Variants in EBF3 observed in about 807,000 individuals in gnomAD.
EBF3 encodes the protein EBF transcription factor 3.
EBF3 carries 18 observed loss-of-function variants against 77.1 expected under a neutral mutation model. The ratio of observed to expected loss-of-function variants is 0.23; its 90% CI spans 0.16 to 0.35. The LOEUF (loss-of-function observed/expected upper bound fraction) is 0.35. EBF3 is among the 10% of genes least tolerant of loss of function. EBF3 has a pLI of 1.00. For missense variants in EBF3, 558 were observed against 860.0 expected, an observed-to-expected ratio of 0.65 and a Z score of 4.39; for synonymous variants, 350 against 343.5, an observed-to-expected ratio of 1.02 and a Z score of -0.21.
Position 129,842,353 on chromosome 10 carries a change from C to T in EBF3, c.1195-60G>A. 4 of 1,514,720 alleles carry T rather than the reference C, an allele frequency of 2.6e-6. No individual in the cohort carries two copies. The highest frequency in any genetic ancestry group is 2.6e-5 in the South Asian group (2 of 76,754). The allele number at this position is 1,514,720 out of a possible 1,614,324, so 93.8% of individuals were successfully genotyped here. On this transcript the variant is annotated intron_variant, in intron 12 of 16. Transcript: ENST00000440978. The surrounding 1 kb of genome is among the most constrained non-coding windows in gnomAD (Gnocchi z 4.4). ...CCCAGGCCCGGCCCAGCTGGCCGCA[C>T]TCTCGGGGGCCCACCATGGTGGCAT... is the stretch of plus-strand genomic sequence containing the variant.
At chr10:129,922,528 G>A (rs1158573936) in intron 6 of EBF3, among the ~76,000 whole-genome samples, 17 of 152,242 alleles carry the variant, frequency 1.1e-4, no homozygotes, top group Non-Finnish European at 4.4e-5. Context: ...GGGTTTAGGG[G>A]AGCTTTGTAA....
intron 6 of EBF3, among the ~76,000 whole-genome samples, chr10:129,941,775 A>T (rs997856346): frequency 6.6e-6 from 1 of 152,208 alleles, no homozygotes; most frequent in African/African-American, 2.4e-5. Context: ...GCCTTCCAGA[A>T]GGCTTCCTGA....
chr10:129,883,775 A>C (rs1040314855), intron 6 of EBF3, among the ~76,000 whole-genome samples: 8 of 152,114 alleles, frequency 5.3e-5, no homozygotes, highest in East Asian at 1.9e-4. Flanking sequence ...AGGATGGGGA[A>C]CAGCTGCTTC....
In EBF3 at chr10:129,963,202, G is replaced by A. The variant is rs1859662903; in HGVS notation, c.291+165C>T. ...CGAGTAAGTCCGAGGGCGCAGAGAA[G>A]TTGCCCAGCCCTCGGCGGTCCCGGG... On this transcript the variant is annotated intron_variant, in intron 2 of 16. Transcript: ENST00000440978. This position sits in a 1 kb window ranked among gnomAD's most constrained non-coding sequence, Gnocchi z 7.1. The A allele has an allele frequency of 2.5e-6, 3 of 1,199,548 alleles. No individual in the cohort carries two copies. The South Asian group carries it at 4.9e-5, about 20-fold the overall frequency. The allele number at this position is 1,199,548 out of a possible 1,614,324, so 74.3% of individuals were successfully genotyped here.
chr10:129,853,546 C>T (rs1459481269), intron 10 of EBF3, among the ~76,000 whole-genome samples: 5 of 152,298 alleles, frequency 3.3e-5, no homozygotes, highest in East Asian at 3.9e-4. Flanking sequence ...ATAAGAACAT[C>T]TGCAGTTCCT....
chr10:129,929,359 C>A (rs558289720), intron 6 of EBF3, among the ~76,000 whole-genome samples: 2 of 152,042 alleles, frequency 1.3e-5, no homozygotes, highest in Non-Finnish European at 2.9e-5. Context: ...CACCTGCCAC[C>A]CACACCCAGG....
In EBF3 at chr10:129,848,374, A is replaced by G. The variant is rs1237013747; in HGVS notation, c.1128+18T>C. 5 of 1,613,426 alleles carry G rather than the reference A, an allele frequency of 3.1e-6. No individual in the cohort carries two copies. Among genetic ancestry groups the G allele is most frequent in the Admixed American group, 1.7e-5 (1 of 59,988 alleles). ...GCGGCCCCACCATGAGCGGGGTGCC[A>G]CTTGCTCTTTTACTAACCTTGGGTA... On this transcript the variant is annotated intron_variant, in intron 11 of 16. Transcript: ENST00000440978. This position sits in a 1 kb window ranked among gnomAD's most constrained non-coding sequence, Gnocchi z 4.4.
At chr10:129,838,119 G>A (rs187062444) in intron 16 of EBF3, among the ~76,000 whole-genome samples, 159 bp from the exon 17 acceptor site, 130 of 152,334 alleles carry the variant, frequency 8.5e-4, no homozygotes, top group Admixed American at 8.4e-3. Flanking sequence ...GCGTGCTGGG[G>A]AATCTGCTTC....
intron 7 of EBF3, among the ~76,000 whole-genome samples, chr10:129,877,152 T>C (rs918553911): frequency 6.6e-6 from 1 of 152,094 alleles, no homozygotes; most frequent in African/African-American, 2.4e-5. Context: ...GGTTGCATTA[T>C]AGTTCTCCTC....
chr10:129,869,443 G>A (rs1852260263), intron 8 of EBF3, among the ~76,000 whole-genome samples: 1 of 149,622 alleles, frequency 6.7e-6, no homozygotes, highest in Admixed American at 6.7e-5. Flanking sequence ...CTCTCCAGCT[G>A]CAGACAAGAG....
chr10:129,842,013 G>C lies in EBF3; in HGVS notation c.1372+103C>G. 1 of 1,465,480 alleles carries C rather than the reference G, an allele frequency of 6.8e-7. No individual in the cohort carries two copies. The allele number at this position is 1,465,480 out of a possible 1,614,324, so 90.8% of individuals were successfully genotyped here. ...AGAGCCAGAGAGAACAGAACGCTAC[G>C]GACATTCCCCAGCTGGCCCTGGACA... On this transcript the variant is annotated intron_variant, in intron 13 of 16. Coordinates refer to ENST00000440978, the MANE Select transcript of EBF3 (RefSeq NM_001375380.1). The surrounding 1 kb of genome is among the most constrained non-coding windows in gnomAD (Gnocchi z 4.4).
Position 129,841,709 on chromosome 10 carries a change from T to C in EBF3, c.1372+407A>G, listed in dbSNP as rs898641234. Among the ~76,000 whole-genome samples the C allele has an allele frequency of 6.6e-6, 1 of 152,154 alleles. No homozygotes were observed. The highest frequency in any genetic ancestry group is 1.5e-5 in the Non-Finnish European group (1 of 68,030). The stretch of plus-strand genomic sequence containing the variant: ...GTGGGGAAATGGGGGTCTGTCTCCA[T>C]GGATTCGTTCCAAACTTAGACCCAA... On this transcript the variant is annotated intron_variant, in intron 13 of 16. Coordinates refer to ENST00000440978, the MANE Select transcript of EBF3 (RefSeq NM_001375380.1). This position sits in a 1 kb window ranked among gnomAD's most constrained non-coding sequence, Gnocchi z 4.6.
At chr10:129,948,428 C>T (rs907911441) in intron 6 of EBF3, among the ~76,000 whole-genome samples, 28 of 152,208 alleles carry the variant, frequency 1.8e-4, no homozygotes, top group African/African-American at 6.5e-4. Flanking sequence ...AGGTGGAGCA[C>T]ATGTGAAACT....
intron 6 of EBF3, among the ~76,000 whole-genome samples, chr10:129,917,550 C>G (rs1855962699): frequency 6.8e-6 from 1 of 147,324 alleles, no homozygotes; most frequent in Non-Finnish European, 1.5e-5. Flanking sequence ...CCCAGCTCCT[C>G]ATGAGGCTTG....
intron 6 of EBF3, among the ~76,000 whole-genome samples, chr10:129,914,718 G>A (rs1855755412): frequency 1.3e-5 from 2 of 152,164 alleles, no homozygotes; most frequent in Admixed American, 1.3e-4. Context: ...CTTTGCCATG[G>A]TAGAGCCACC....
At position 129,840,899 on chromosome 10, in the gene EBF3, C is replaced by A. The variant is rs1849989618; in HGVS notation, c.1506G>T (p.Gly502=). Residue 502 remains glycine (G), a synonymous_variant, in exon 14 of 17, where the codon GGG becomes GGT. Coordinates refer to ENST00000440978, the MANE Select transcript of EBF3 (RefSeq NM_001375380.1). ...GYGSGAMASL[G]VPGSPGFLNG... ...TAAGAAATCCAGGCGAGCCAGGGAC[C>A]CCTAGACTGGCCATGGCGCCACTTC... 1 of 1,614,114 alleles carries A rather than the reference C, an allele frequency of 6.2e-7. No homozygotes were observed. The highest frequency in any genetic ancestry group is 1.1e-5 in the South Asian group (1 of 91,070).
chr10:129,901,085 T>C (rs1253334740), intron 6 of EBF3, among the ~76,000 whole-genome samples: 1 of 152,230 alleles, frequency 6.6e-6, no homozygotes, highest in African/African-American at 2.4e-5. Flanking sequence ...TTCTCAACTG[T>C]AGGATGCTCT....
Position 129,837,583 on chromosome 10 carries a change from A to G in EBF3, c.*360T>C, listed in dbSNP as rs1793637443. The G allele has an allele frequency of 4.1e-6, 1 of 241,798 alleles. No individual in the cohort carries two copies. Among genetic ancestry groups the G allele is most frequent in the Non-Finnish European group, 8.0e-6 (1 of 125,434 alleles). 15.0% of individuals were successfully genotyped at this position (241,798 alleles called of 1,614,324 possible). A position where few individuals can be genotyped will look rare whatever the true frequency, so the allele number is the denominator to read the frequency against. ...TGATCATCAAAATGGTGCATTCACA[A>G]AGTTTCTCCCAACACATAGCAATTA... On this transcript the variant is annotated 3_prime_UTR_variant, in exon 17 of 17. Transcript: ENST00000440978.
intron 6 of EBF3, among the ~76,000 whole-genome samples, chr10:129,945,851 T>C (rs186827002): frequency 6.6e-6 from 1 of 152,246 alleles, no homozygotes; most frequent in East Asian, 1.9e-4. Context: ...CAAGCCTTTT[T>C]CCTCAACTTG....
Sources: allele counts gnomAD v4.1 joint callset (sites outside exome capture counted in the v4.1 genomes callset), GRCh38; gene constraint gnomAD v4.1.1; non-coding constraint Gnocchi (gnomAD v3.1); transcripts MANE v1.5; gene names NCBI Gene and HGNC (gene_info 2026-07-23, HGNC 2026-07-21).